The following EGR2 variants were observed in gnomAD, a reference collection of about 807,000 sequenced individuals.
EGR2 encodes the protein early growth response 2, also known as E3 SUMO-protein ligase EGR2.
In EGR2, 2 loss-of-function variants were observed where a neutral mutation model predicts 21.2. The observed-to-expected ratio is 0.09, with a 90% CI of 0.04 to 0.30. The LOEUF (loss-of-function observed/expected upper bound fraction) is 0.30, where lower values mean the gene tolerates loss of function less well. EGR2 is among the 10% of genes least tolerant of loss of function. The probability of loss-of-function intolerance (pLI) is 1.00; values close to 1 mark genes in which losing one functional copy is unlikely to be tolerated. For synonymous variants in EGR2, 282 were observed against 258.2 expected (o/e 1.09, Z -0.88); for missense variants, 458 against 630.2 (o/e 0.73, Z 2.93).
rs561404416 is a variant in EGR2, at chr10:62,815,769, C to G, written c.169+92G>C. The stretch of plus-strand genomic sequence containing the variant: ...AGTCAGCACCGTCCACCTGGAGCCC[C>G]AATCCTCTCCTGCGATTCCCGCACA... On this transcript the variant is annotated intron_variant, in intron 1 of 1. Coordinates refer to ENST00000242480, the MANE Select transcript of EGR2 (RefSeq NM_000399.5). The G allele has an allele frequency of 4.0e-6, 6 of 1,493,720 alleles. No individual in the cohort carries two copies. In the South Asian group the frequency reaches 5.9e-5, roughly 15 times the overall value. The allele number at this position is 1,493,720 out of a possible 1,614,324, so 92.5% of individuals were successfully genotyped here.
upstream of EGR2, among the ~76,000 whole-genome samples, chr10:62,817,121 T>A (rs1838268477): frequency 6.6e-6 from 1 of 152,200 alleles, no homozygotes; most frequent in Non-Finnish European, 1.5e-5. The surrounding 1 kb of genome is among the most constrained non-coding windows in gnomAD (Gnocchi z 4.4). Flanking sequence ...AGAATTACTG[T>A]GGGGAGCTTC....
At chr10:62,816,404 C>T, upstream of EGR2, 3 of 1,186,582 alleles carry the variant, frequency 2.5e-6, no homozygotes, top group South Asian at 4.9e-5. Context: ...ATGGGCAGGT[C>T]TTCAATACCC....
At chr10:62,819,089 A>T (rs71508937), upstream of EGR2, 5,235 of 152,542 alleles carry the variant, frequency 0.034, 122 homozygotes, top group South Asian at 0.083. Flanking sequence ...ACATTAGAGT[A>T]AATGAGAGTG....
Position 62,815,948 on chromosome 10 carries a change from C to G in EGR2, c.82G>C (p.Val28Leu). The G allele has an allele frequency of 6.2e-7, 1 of 1,614,222 alleles. No homozygotes were observed. The highest frequency in any genetic ancestry group is 1.1e-5 in the South Asian group (1 of 91,086). The change falls in exon 1 of 2, where the codon GTG becomes CTG. Residue 28 changes from valine (V) to leucine (L), a missense_variant. This residue lies in a region of EGR2 where 91 missense variants were observed against 105.2 expected (regional missense o/e 0.87). Transcript: ENST00000242480. The part of the protein sequence containing the change: ...VHQLSDNIYP[V>L]EDLAATSVTI... ...ACCGACGTGGCGGCGAGGTCCTCCA[C>G]CGGGTAGATGTTGTCAGACAGCTGG...
Position 62,816,024 on chromosome 10 carries a change from C to A in EGR2, c.6G>T (p.Met2Ile). 2 of 1,614,104 alleles carry A rather than the reference C, an allele frequency of 1.2e-6. No homozygotes were observed. Among genetic ancestry groups the A allele is most frequent in the South Asian group, 2.2e-5 (2 of 91,044 alleles). MMTAKAVDKIPV... is the reference protein window; with the variant it reads MITAKAVDKIPV... ...GGATTTTGTCTACGGCCTTGGCGGT[C>A]ATCATTTGCTCCTCGCACAACCTGG... The change falls in exon 1 of 2, where the codon ATG (methionine) becomes ATT (isoleucine). Residue 2 changes from methionine to isoleucine, a missense_variant. By Grantham distance (10) the Met-to-Ile change is conservative (BLOSUM62 1). Transcript: ENST00000242480.
Position 62,813,863 on chromosome 10 carries a change from G to T in EGR2, c.775C>A (p.Pro259Thr), listed in dbSNP as rs1239983652. ...FPCPLDTLRV[P>T]PPLTPLSTIR... ...GTAGAGAGTGGAGTGAGTGGAGGGG[G>T]CACCCGCAGGGTGTCCAGTGGGCAG... The change falls in exon 2 of 2, where the codon CCC becomes ACC. Residue 259 changes from proline to threonine, a missense_variant. Coordinates refer to ENST00000242480, the MANE Select transcript of EGR2 (RefSeq NM_000399.5). This position sits in a 1 kb window ranked among gnomAD's most constrained non-coding sequence, Gnocchi z 5.7. The T allele has an allele frequency of 3.1e-6, 5 of 1,614,168 alleles. No individual in the cohort carries two copies. The Admixed American group carries it at 8.3e-5, about 27-fold the overall frequency.
chr10:62,814,572 A>C lies in EGR2; in HGVS notation c.170-104T>G. ...GTCCATTTCCAAGGCCGAGAGTCTCAGCACTGTAGAGCTGTGGCAAAGTCC... is the reference window on the plus strand; with the variant it reads ...GTCCATTTCCAAGGCCGAGAGTCTCCGCACTGTAGAGCTGTGGCAAAGTCC... On this transcript the variant is annotated intron_variant, in intron 1 of 1. Transcript: ENST00000242480. This position sits in a 1 kb window ranked among gnomAD's most constrained non-coding sequence, Gnocchi z 4.8. The C allele has an allele frequency of 2.7e-6, 3 of 1,125,248 alleles. No individual in the cohort carries two copies. Among genetic ancestry groups the C allele is most frequent in the Non-Finnish European group, 2.7e-6 (2 of 753,102 alleles). 69.7% of individuals were successfully genotyped at this position (1,125,248 alleles called of 1,614,324 possible).
chr10:62,818,460 C>T (rs1838306538), upstream of EGR2: 1 of 778,920 alleles, frequency 1.3e-6, no homozygotes, highest in African/African-American at 1.9e-5. Context: ...GATACCCCAC[C>T]CCAGCAAAAA....
Position 62,812,419 on chromosome 10 carries a change from G to A in EGR2, c.*788C>T, listed in dbSNP as rs957860986. 2.0e-5 allele frequency: 3 copies of A among 152,692 alleles called. No individual in the cohort carries two copies. Among genetic ancestry groups the A allele is most frequent in the African/African-American group, 7.2e-5 (3 of 41,418 alleles). The allele number at this position is 152,692 out of a possible 1,614,324, so 9.5% of individuals were successfully genotyped here. A position where few individuals can be genotyped will look rare whatever the true frequency, so the allele number is the denominator to read the frequency against. On this transcript the variant is annotated 3_prime_UTR_variant, in exon 2 of 2. Transcript: ENST00000242480. Reference sequence around the variant, plus strand: ...ATATATGTACATCCCCCTTAAATAAGTTAACCTCTGAGATCATAAATGCTT... The same window carrying A: ...ATATATGTACATCCCCCTTAAATAAATTAACCTCTGAGATCATAAATGCTT...
rs1842219420 is a variant in EGR2, at chr10:62,814,838, G to A, written c.170-370C>T. ...GCTTTTCTCCCTCTTTTTTGCCTGG[G>A]GGTTCCACGGCTGAGGCACCAAGAC... On this transcript the variant is annotated intron_variant, in intron 1 of 1. Coordinates refer to ENST00000242480, the MANE Select transcript of EGR2 (RefSeq NM_000399.5). This position sits in a 1 kb window ranked among gnomAD's most constrained non-coding sequence, Gnocchi z 4.8. Among the ~76,000 whole-genome samples the A allele has an allele frequency of 6.6e-6, 1 of 152,068 alleles. No homozygotes were observed.
In EGR2 at chr10:62,813,650, G is replaced by A. The variant is rs750554857; in HGVS notation, c.988C>T (p.Pro330Ser). Residue 330 changes from proline (P) to serine (S), a missense_variant, in exon 2 of 2, where the codon CCC becomes TCC. This residue lies in a region of EGR2 where 253 missense variants were observed against 315.5 expected (regional missense o/e 0.80). Coordinates refer to ENST00000242480, the MANE Select transcript of EGR2 (RefSeq NM_000399.5). The surrounding 1 kb of genome is among the most constrained non-coding windows in gnomAD (Gnocchi z 5.7). ...CTCTCGTGCACCGGCGTCTTGCTGG[G>A]TCTGTTGGGGTACTTGCGAGGCCTC... The part of the protein sequence containing the change: ...ILRPRKYPNR[P>S]SKTPVHERPY... 2.5e-6 allele frequency: 4 copies of A among 1,613,300 alleles called. No individual in the cohort carries two copies. Among genetic ancestry groups the A allele is most frequent in the Non-Finnish European group, 2.5e-6 (3 of 1,180,036 alleles).
chr10:62,813,710 AGGCGGCGGC>A lies in EGR2; in HGVS notation c.919_927del (p.Ala307_Ala309del), dbSNP rs753747037. ...CGCAGTGGCAGGTGGTGTGGGTTAT[AGGCGGCGGC>A]GGCGGCGGCTGCTGCTGCTGCTGAG... On this transcript the variant is annotated inframe_deletion, in exon 2 of 2. Transcript: ENST00000242480. This position sits in a 1 kb window ranked among gnomAD's most constrained non-coding sequence, Gnocchi z 5.7. 25 of 1,611,984 alleles carry A rather than the reference AGGCGGCGGC, an allele frequency of 1.6e-5. No individual in the cohort carries two copies. The highest frequency in any genetic ancestry group is 2.2e-5 in the South Asian group (2 of 91,058).
upstream of EGR2, chr10:62,818,737 G>T: frequency 1.9e-6 from 1 of 518,596 alleles, no homozygotes; most frequent in Non-Finnish European, 2.7e-6. Context: ...GGCCCCTTAG[G>T]TGAGGCACCC....
At position 62,814,543 on chromosome 10, in the gene EGR2, A is replaced by G; in HGVS notation, c.170-75T>C. ...GGACTCCCTTCTCACCCCCGCTCAC[A>G]TAGGTCCATTTCCAAGGCCGAGAGT... On this transcript the variant is annotated intron_variant, in intron 1 of 1. Transcript: ENST00000242480. This position sits in a 1 kb window ranked among gnomAD's most constrained non-coding sequence, Gnocchi z 4.8. 1 of 1,417,092 alleles carries G rather than the reference A, an allele frequency of 7.1e-7. No individual in the cohort carries two copies. The highest frequency in any genetic ancestry group is 1.0e-6 in the Non-Finnish European group (1 of 1,004,064). The allele number at this position is 1,417,092 out of a possible 1,614,324, so 87.8% of individuals were successfully genotyped here.
chr10:62,815,852 G>A lies in EGR2; in HGVS notation c.169+9C>T, dbSNP rs1443557784. On this transcript the variant is annotated intron_variant, in intron 1 of 1. Transcript: ENST00000242480. ...CGCAGGTCCGGGCCTGCGAAGACAC[G>A]CGGCTTACCTCCGGCCACTCCGTTC... 1 of 1,613,926 alleles carries A rather than the reference G, an allele frequency of 6.2e-7. No homozygotes were observed.
intron 1 of EGR2, among the ~76,000 whole-genome samples, chr10:62,815,167 A>G (rs1367603316): frequency 6.6e-6 from 1 of 152,214 alleles, no homozygotes; most frequent in Non-Finnish European, 1.5e-5. Flanking sequence ...GGGGGCCGCG[A>G]GAGACGACTT....
upstream of EGR2, chr10:62,816,499 GCTCGGC>G (rs1842273813): frequency 4.1e-5 from 20 of 489,414 alleles, no homozygotes; most frequent in South Asian, 1.2e-3. Context: ...GCATACACGG[GCTCGGC>G]CGCGCGGACT....
upstream of EGR2, chr10:62,818,638 A>T (rs1208626856): frequency 4.0e-6 from 5 of 1,263,686 alleles, no homozygotes; most frequent in Non-Finnish European, 5.1e-6. Flanking sequence ...TCCGACTCGC[A>T]TCTCGGGCCC....
At chr10:62,818,659 A>G (rs1268958528), upstream of EGR2, 1 of 1,251,284 alleles carries the variant, frequency 8.0e-7, no homozygotes, top group Non-Finnish European at 1.0e-6. Context: ...TGAGTCCGAA[A>G]GAACGGGGGA....
Sources: allele counts gnomAD v4.1 joint callset (sites outside exome capture counted in the v4.1 genomes callset), GRCh38; gene constraint gnomAD v4.1.1; regional missense constraint gnomAD v4.1.1; non-coding constraint Gnocchi (gnomAD v3.1); transcripts MANE v1.5; gene names NCBI Gene and HGNC (gene_info 2026-07-23, HGNC 2026-07-21).